Variants in CLTCL1 observed in about 807,000 individuals in gnomAD.
CLTCL1 encodes clathrin heavy chain 2.
In CLTCL1, 159 loss-of-function variants were observed where a neutral mutation model predicts 190.0. The observed-to-expected ratio is 0.84, with a 90% CI of 0.74 to 0.95. CLTCL1 has a LOEUF of 0.95. Ranked by LOEUF, CLTCL1 falls within the 40% of genes least tolerant of loss-of-function variation. The pLI, the probability that CLTCL1 is intolerant of heterozygous loss-of-function variation, is 0.00. For missense variants in CLTCL1, 1,878 were observed against 2,033.4 expected, an observed-to-expected ratio of 0.92 and a Z score of 1.47; for synonymous variants, 752 against 769.6, an observed-to-expected ratio of 0.98 and a Z score of 0.38.
intron 19 of CLTCL1, among the ~76,000 whole-genome samples, chr22:19,212,393 C>G (rs2085252357): frequency 7.5e-6 from 1 of 133,762 alleles, no homozygotes; most frequent in Non-Finnish European, 1.5e-5. Context: ...GACCCTGTCT[C>G]TACCAAAAAA....
chr22:19,209,013 C>A lies in CLTCL1; in HGVS notation c.3351G>T (p.Gln1117His), dbSNP rs568431771. The change falls in exon 21 of 33, where the codon CAG (glutamine) becomes CAT (histidine). Residue 1117 changes from glutamine (Q) to histidine (H), a missense_variant. Gln to His is a conservative substitution (Grantham distance 24). Coordinates refer to ENST00000427926, the MANE Select transcript of CLTCL1 (RefSeq NM_007098.4). ...VWSQLAQAQL[Q>H]KDLVKEAINS... Reference sequence around the variant, plus strand: ...TGATGGCTTCCTTCACCAAATCTTTCTGGAGCTGGGCTTGGGCCAGCTGAC... The same window carrying A: ...TGATGGCTTCCTTCACCAAATCTTTATGGAGCTGGGCTTGGGCCAGCTGAC... The A allele has an allele frequency of 2.4e-5, 39 of 1,611,512 alleles. No homozygotes were observed. The East Asian group carries it at 8.5e-4, about 35-fold the overall frequency.
At chr22:19,247,983 T>A (rs2086472188) in intron 3 of CLTCL1, among the ~76,000 whole-genome samples, 1 of 152,022 alleles carries the variant, frequency 6.6e-6, no homozygotes, top group Admixed American at 6.6e-5. Context: ...AAACACAAAT[T>A]CATAAACTTT....
chr22:19,232,463 T>A lies in CLTCL1; in HGVS notation c.1644+13A>T, dbSNP rs1555959492. 6.2e-7 allele frequency: 1 copy of A among 1,613,818 alleles called. No individual in the cohort carries two copies. The highest frequency in any genetic ancestry group is 1.1e-5 in the South Asian group (1 of 91,076). On this transcript the variant is annotated intron_variant, in intron 10 of 32. Transcript: ENST00000427926. ...AAAGCCACAAAAAGTTGTCCAAAAC[T>A]GCCTACGCTCACCTGGCTAATGTTG...
intron 22 of CLTCL1, among the ~76,000 whole-genome samples, chr22:19,201,958 C>T (rs1415620939): frequency 6.6e-6 from 1 of 152,108 alleles, no homozygotes; most frequent in Admixed American, 6.5e-5. Flanking sequence ...GGACCTTGTT[C>T]TTCTCACAAG....
At chr22:19,260,455 C>A (rs1187525407) in intron 2 of CLTCL1, among the ~76,000 whole-genome samples, 5 of 148,720 alleles carry the variant, frequency 3.4e-5, no homozygotes. Context: ...TCACCGACCA[C>A]TCCAAAAATC....
chr22:19,241,941 CTTTTT>C (rs35692303), intron 4 of CLTCL1, among the ~76,000 whole-genome samples: 7 of 139,074 alleles, frequency 5.0e-5, no homozygotes, highest in Non-Finnish European at 9.3e-5. Context: ...CCTCATCTAC[CTTTTT>C]TTTTTTTTTT....
intron 27 of CLTCL1, among the ~76,000 whole-genome samples, chr22:19,190,614 A>AAAAAAAAAAAAAAAAAAAAAT (rs2084463641): frequency 6.6e-6 from 1 of 151,624 alleles, no homozygotes; most frequent in Non-Finnish European, 1.5e-5. Flanking sequence ...AAAAAAAAAA[A>AAAAAAAAAAAAAAAAAAAAAT]AAAAAGATCA....
At position 19,183,566 on chromosome 22, in the gene CLTCL1, G is replaced by T; in HGVS notation, c.4651C>A (p.Gln1551Lys). The change falls in exon 30 of 33, where the codon CAG becomes AAG. Residue 1551 changes from glutamine to lysine, a missense_variant. Physicochemically the swap from Gln to Lys is moderately conservative, Grantham distance 53. Coordinates refer to ENST00000427926, the MANE Select transcript of CLTCL1 (RefSeq NM_007098.4). ...AAESRDAELA[Q>K]KLLQWFLEEG... is the part of the protein sequence containing the mutation. ...TCCAGGAACCACTGCAGCAACTTCT[G>T]GGCCAGCTCAGCATCCCGCGACTCT... 6.2e-7 allele frequency: 1 copy of T among 1,613,770 alleles called. No individual in the cohort carries two copies. The highest frequency in any genetic ancestry group is 1.1e-5 in the South Asian group (1 of 91,088).
At chr22:19,205,307 C>T (rs797037171) in intron 22 of CLTCL1, among the ~76,000 whole-genome samples, 12 of 152,128 alleles carry the variant, frequency 7.9e-5, no homozygotes, top group South Asian at 2.1e-4. Context: ...CACAGGAGTT[C>T]GAGACCAGCC....
chr22:19,283,012 C>T (rs1173755712), intron 1 of CLTCL1, among the ~76,000 whole-genome samples: 1 of 151,740 alleles, frequency 6.6e-6, no homozygotes, highest in African/African-American at 2.4e-5. Context: ...GCTGGGACTA[C>T]AAGTGCCCAC....
chr22:19,234,776 C>T (rs574234633), intron 6 of CLTCL1, 70 bp from the exon 7 acceptor site: 3 of 1,325,946 alleles, frequency 2.3e-6, no homozygotes, highest in African/African-American at 1.4e-5. Context: ...GCCATGTTCC[C>T]TTCCGATGCT....
At chr22:19,183,108 C>A in intron 30 of CLTCL1, 1 of 429,740 alleles carries the variant, frequency 2.3e-6, no homozygotes, top group South Asian at 2.3e-5. Context: ...GCCTGTTGTG[C>A]TCCTAGCAGT....
intron 19 of CLTCL1, among the ~76,000 whole-genome samples, chr22:19,211,745 C>T (rs1275231757): frequency 6.7e-5 from 9 of 134,524 alleles, no homozygotes; most frequent in African/African-American, 1.1e-4. Context: ...CCAGCCTGGG[C>T]GACAGAGCAA....
At chr22:19,195,615 T>G (rs2146280858) in intron 26 of CLTCL1, among the ~76,000 whole-genome samples, 2 of 152,092 alleles carry the variant, frequency 1.3e-5, no homozygotes, top group East Asian at 3.9e-4. Flanking sequence ...GATAAAGAAT[T>G]CCAGCCCCTT....
chr22:19,183,201 G>A, intron 30 of CLTCL1, 189 bp downstream of exon 30: 1 of 584,568 alleles, frequency 1.7e-6, no homozygotes, highest in Non-Finnish European at 3.1e-6. Context: ...TTTCTGGAGG[G>A]GCTTAACGTT....
intron 2 of CLTCL1, chr22:19,258,341 T>A (rs2086832139): frequency 2.4e-6 from 1 of 414,100 alleles, no homozygotes; most frequent in Non-Finnish European, 4.6e-6. Flanking sequence ...CCCAGCAGAT[T>A]GAGGAGAGCA....
intron 3 of CLTCL1, chr22:19,249,986 G>A (rs782118140): frequency 3.4e-5 from 12 of 350,836 alleles, no homozygotes; most frequent in Non-Finnish European, 7.0e-5. Flanking sequence ...GGGCGCGGTG[G>A]CTCACACCTG....
chr22:19,248,671 T>G (rs1340687025), intron 3 of CLTCL1, among the ~76,000 whole-genome samples: 3 of 152,222 alleles, frequency 2.0e-5, no homozygotes, highest in Non-Finnish European at 4.4e-5. Flanking sequence ...TGTGGTCTTT[T>G]GTGACTGGCA....
chr22:19,269,383 G>A (rs899722795), intron 2 of CLTCL1, among the ~76,000 whole-genome samples: 7 of 152,030 alleles, frequency 4.6e-5, no homozygotes, highest in African/African-American at 1.4e-4. Context: ...CTGGATGGGC[G>A]ATAGAGTGAG....
Sources: gnomAD v4.1 joint callset for allele counts (sites outside exome capture counted in the v4.1 genomes callset) on GRCh38, gnomAD v4.1.1 for gene constraint, MANE v1.5 for transcripts, NCBI Gene and HGNC (gene_info 2026-07-23, HGNC 2026-07-21) for gene names.